The following SEMA5B variants were observed in gnomAD, a reference collection of about 807,000 sequenced individuals.
The protein encoded by SEMA5B is semaphorin-5B.
A neutral mutation model predicts 135.0 loss-of-function variants in SEMA5B; 66 were observed. The observed-to-expected ratio is 0.49, with a 90% CI of 0.40 to 0.60. SEMA5B has a LOEUF of 0.60. Among genes scored for constraint, SEMA5B ranks in the 20% least tolerant of loss-of-function variants. The pLI, the probability that SEMA5B is intolerant of heterozygous loss-of-function variation, is 0.00. For synonymous variants in SEMA5B, 690 were observed against 639.5 expected (o/e 1.08, Z -1.19); for missense variants, 1,501 against 1,566.3 (o/e 0.96, Z 0.70).
intron 2 of SEMA5B, among the ~76,000 whole-genome samples, chr3:122,954,062 T>C (rs1940174132): frequency 6.6e-6 from 1 of 152,238 alleles, no homozygotes; most frequent in Non-Finnish European, 1.5e-5. Context: ...GTTTTTTGTT[T>C]GTTTGTTTTT....
intron 2 of SEMA5B, among the ~76,000 whole-genome samples, chr3:122,948,953 C>T (rs1390611260): frequency 6.6e-6 from 1 of 152,094 alleles, no homozygotes; most frequent in African/African-American, 2.4e-5. Context: ...TATTTATGAT[C>T]CCAAATGGTT....
Position 122,923,704 on chromosome 3 carries a change from G to C in SEMA5B, c.1185C>G (p.Ile395Met). 1 of 1,614,158 alleles carries C rather than the reference G, an allele frequency of 6.2e-7. No individual in the cohort carries two copies. The highest frequency in any genetic ancestry group is 8.5e-7 in the Non-Finnish European group (1 of 1,179,988). The change falls in exon 10 of 23, where the codon ATC (isoleucine) becomes ATG (methionine). Residue 395 changes from isoleucine (I) to methionine (M), a missense_variant. By Grantham distance (10) the Ile-to-Met change is conservative (BLOSUM62 1). Coordinates refer to ENST00000357599, the MANE Select transcript of SEMA5B (RefSeq NM_001031702.4). ...SAVCAFNLSAISQAFNGPFRY... is the reference protein window; with the variant it reads ...SAVCAFNLSAMSQAFNGPFRY... ...GAAATGGGCCATTGAAAGCCTGGGAGATAGCACTGAGGTTGAAGGCGCAGA... is the reference window on the plus strand; with the variant it reads ...GAAATGGGCCATTGAAAGCCTGGGACATAGCACTGAGGTTGAAGGCGCAGA...
At chr3:122,939,334 CT>C (rs1939450673) in intron 5 of SEMA5B, 90 bp downstream of exon 5, 2 of 1,018,034 alleles carry the variant, frequency 2.0e-6, no homozygotes, top group Non-Finnish European at 3.1e-6. Context: ...ACTTTAGGGG[CT>C]GAATTCTGAA....
At chr3:122,972,317 T>A (rs562129542) in intron 1 of SEMA5B, among the ~76,000 whole-genome samples, 36 of 152,168 alleles carry the variant, frequency 2.4e-4, no homozygotes, top group African/African-American at 8.7e-4. Context: ...TTAAGATGTA[T>A]CTAAATCAGT....
chr3:122,960,361 A>G (rs1940520762), intron 2 of SEMA5B, among the ~76,000 whole-genome samples: 1 of 152,222 alleles, frequency 6.6e-6, no homozygotes, highest in South Asian at 2.1e-4. Flanking sequence ...AAAATAGTTA[A>G]AATGAGTTGG....
chr3:122,972,333 T>C (rs1042841485), intron 1 of SEMA5B, among the ~76,000 whole-genome samples: 1 of 152,052 alleles, frequency 6.6e-6, no homozygotes, highest in Non-Finnish European at 1.5e-5. Flanking sequence ...TCAGTGCAAC[T>C]CCAAGCCACA....
chr3:123,008,911 G>C lies in SEMA5B; in HGVS notation c.-39+18553C>G, dbSNP rs555780254. Among the ~76,000 whole-genome samples the C allele has an allele frequency of 5.2e-3, 790 of 152,258 alleles. 8 individuals are homozygous for C. Among genetic ancestry groups the C allele is most frequent in the African/African-American group, 0.018 (752 of 41,540 alleles). ...AGCTGGGGGGCTGCAGCTGCCCAGG[G>C]CTGGGTGTCACCAAAGGACAGCCCA... On this transcript the variant is annotated intron_variant, in intron 1 of 22. Coordinates refer to ENST00000357599, the MANE Select transcript of SEMA5B (RefSeq NM_001031702.4).
intron 1 of SEMA5B, among the ~76,000 whole-genome samples, chr3:123,022,693 C>A (rs371206212): frequency 6.6e-6 from 1 of 152,202 alleles, no homozygotes; most frequent in African/African-American, 2.4e-5. Context: ...CACTTTGAAG[C>A]CACCAAGTCG....
intron 2 of SEMA5B, among the ~76,000 whole-genome samples, chr3:122,957,466 C>T (rs1940378731): frequency 6.6e-6 from 1 of 152,204 alleles, no homozygotes. Context: ...CACGGCCACT[C>T]ATACTGCGGC....
chr3:122,922,452 C>T lies in SEMA5B; in HGVS notation c.1273-5G>A, dbSNP rs1938412954. The T allele has an allele frequency of 1.3e-6, 2 of 1,588,208 alleles. No homozygotes were observed. Among genetic ancestry groups the T allele is most frequent in the East Asian group, 2.3e-5 (1 of 43,392 alleles). On this transcript the variant is annotated splice_polypyrimidine_tract_variant and splice_region_variant and intron_variant, in intron 10 of 22. Coordinates refer to ENST00000357599, the MANE Select transcript of SEMA5B (RefSeq NM_001031702.4). ...GGTCTCAGGCAGGGTGCCACACTGC[C>T]GCGGGGAGCCAGGTCACGCGCGCCC...
intron 1 of SEMA5B, among the ~76,000 whole-genome samples, chr3:122,999,764 A>T (rs979585605): frequency 3.3e-5 from 5 of 152,218 alleles, no homozygotes; most frequent in Non-Finnish European, 7.3e-5. Context: ...CTTGGTCCCA[A>T]CTGGACATCC....
At chr3:123,024,261 C>T (rs901836000) in intron 1 of SEMA5B, among the ~76,000 whole-genome samples, 1 of 152,172 alleles carries the variant, frequency 6.6e-6, no homozygotes, top group African/African-American at 2.4e-5. Context: ...TACACATACT[C>T]CATCCATAAA....
At chr3:122,988,122 G>A (rs1941757374) in intron 1 of SEMA5B, among the ~76,000 whole-genome samples, 1 of 152,120 alleles carries the variant, frequency 6.6e-6, no homozygotes, top group African/African-American at 2.4e-5. Flanking sequence ...TCTCCCTCTG[G>A]GGTGAGACTC....
intron 22 of SEMA5B, 47 bp downstream of exon 22, chr3:122,910,793 G>A: frequency 7.0e-7 from 1 of 1,437,918 alleles, no homozygotes; most frequent in Non-Finnish European, 9.4e-7. Flanking sequence ...CTGGGCGACA[G>A]AGTGAGACTC....
intron 2 of SEMA5B, among the ~76,000 whole-genome samples, 156 bp downstream of exon 2, chr3:122,960,984 T>C (rs1031652380): frequency 2.6e-5 from 4 of 152,162 alleles, no homozygotes; most frequent in African/African-American, 9.7e-5. Flanking sequence ...TATATATATG[T>C]TACCACAATT....
intron 1 of SEMA5B, among the ~76,000 whole-genome samples, chr3:123,003,599 T>C (rs2332441): frequency 0.32 from 48,339 of 151,818 alleles, 12,838 homozygotes; most frequent in African/African-American, 0.73. Context: ...CTTTGGGAGG[T>C]CAAGGCAGGC....
At chr3:123,002,226 A>C (rs1942195322) in intron 1 of SEMA5B, among the ~76,000 whole-genome samples, 1 of 152,210 alleles carries the variant, frequency 6.6e-6, no homozygotes, top group Non-Finnish European at 1.5e-5. Context: ...TCAGGTGGAC[A>C]GGCATCACGG....
At chr3:122,976,148 C>A (rs765521237) in intron 1 of SEMA5B, 129 of 1,534,808 alleles carry the variant, frequency 8.4e-5, no homozygotes, top group Non-Finnish European at 1.0e-4. Flanking sequence ...CTCATCACTT[C>A]CTCACCCTGT....
intron 1 of SEMA5B, among the ~76,000 whole-genome samples, chr3:122,987,134 G>T (rs1304447600): frequency 6.6e-6 from 1 of 152,140 alleles, no homozygotes; most frequent in Non-Finnish European, 1.5e-5. Flanking sequence ...GATGGGCTGG[G>T]GTTTGAGGAC....
Sources: gnomAD v4.1 joint callset for allele counts (sites outside exome capture counted in the v4.1 genomes callset) on GRCh38, gnomAD v4.1.1 for gene constraint, MANE v1.5 for transcripts, NCBI Gene and HGNC (gene_info 2026-07-23, HGNC 2026-07-21) for gene names.